UBR3: variants seen among roughly 807,000 people sequenced by gnomAD.
UBR3 encodes the protein ubiquitin protein ligase E3 component n-recognin 3.
UBR3 carries 85 observed loss-of-function variants against 243.2 expected under a neutral mutation model. The observed-to-expected ratio is 0.35, with a 90% confidence interval of 0.29 to 0.42. The LOEUF (loss-of-function observed/expected upper bound fraction) is 0.42. Among genes scored for constraint, UBR3 ranks in the 10% least tolerant of loss-of-function variants. UBR3 has a pLI of 1.00. For synonymous variants in UBR3, 748 were observed against 799.8 expected, an observed-to-expected ratio of 0.94 and a Z score of 1.09; for missense variants, 1,686 against 2,300.8, an observed-to-expected ratio of 0.73 and a Z score of 5.47.
At chr2:169,885,776 A>G (rs896594945) in intron 5 of UBR3, among the ~76,000 whole-genome samples, 13 of 152,306 alleles carry the variant, frequency 8.5e-5, no homozygotes, top group Non-Finnish European at 2.9e-5. Flanking sequence ...TTCAAGACAC[A>G]ATCCAAGTGA....
chr2:169,958,370 C>T (rs1463881884), intron 23 of UBR3, 68 bp from the exon 24 acceptor site: 2 of 1,395,406 alleles, frequency 1.4e-6, no homozygotes, highest in African/African-American at 1.4e-5. Flanking sequence ...ACATTATATA[C>T]TCCTGAAATA....
At chr2:169,843,885 C>T (rs186194096) in intron 1 of UBR3, among the ~76,000 whole-genome samples, 20 of 151,738 alleles carry the variant, frequency 1.3e-4, no homozygotes, top group African/African-American at 4.8e-4. Flanking sequence ...TTTTAAATAT[C>T]TTGATAGAGT....
chr2:170,003,831 G>A (rs569913480), intron 27 of UBR3, among the ~76,000 whole-genome samples: 3 of 152,230 alleles, frequency 2.0e-5, no homozygotes, highest in Admixed American at 6.5e-5. Context: ...TAGCAGAGAC[G>A]GGGTTTCACC....
chr2:169,858,634 C>G lies in UBR3; in HGVS notation c.546-13602C>G, dbSNP rs181709379. ...TTTATTTTTGAGACAGAGTCTCTCT[C>G]TCTTACCCAGGCTGGAATGCAATGG... On this transcript the variant is annotated intron_variant, in intron 1 of 38. Coordinates refer to ENST00000272793, the MANE Select transcript of UBR3 (RefSeq NM_172070.4). Among the ~76,000 whole-genome samples the G allele has an allele frequency of 2.0e-4, 30 of 152,202 alleles. No individual in the cohort carries two copies. The East Asian group carries it at 4.8e-3, about 24-fold the overall frequency.
Position 169,932,797 on chromosome 2 carries a change from C to A in UBR3, c.2567-115C>A, listed in dbSNP as rs2086186101. 6 of 859,796 alleles carry A rather than the reference C, an allele frequency of 7.0e-6. No homozygotes were observed. The Admixed American group carries it at 1.3e-4, about 18-fold the overall frequency. 53.3% of individuals were successfully genotyped at this position (859,796 alleles called of 1,614,324 possible). A position where few individuals can be genotyped will look rare whatever the true frequency, so the allele number is the denominator to read the frequency against. On this transcript the variant is annotated intron_variant, in intron 18 of 38. Transcript: ENST00000272793. ...AGCTTCTTAAGGCAAATACTATAAT[C>A]AGATTAAATTGTTCTGTGTTTTAAA...
intron 24 of UBR3, among the ~76,000 whole-genome samples, chr2:169,973,254 G>T (rs372875382): frequency 0.091 from 12,068 of 132,212 alleles, 757 homozygotes; most frequent in Admixed American, 0.15. Context: ...CACTGCTCAA[G>T]GAAATAAAAG....
At chr2:169,852,932 T>C (rs73024449) in intron 1 of UBR3, among the ~76,000 whole-genome samples, 2 of 146,398 alleles carry the variant, frequency 1.4e-5, no homozygotes, top group South Asian at 4.3e-4. Flanking sequence ...TATGGATATA[T>C]AAATTTATGT....
chr2:169,939,336 G>T (rs2086478629), intron 19 of UBR3, among the ~76,000 whole-genome samples: 1 of 150,062 alleles, frequency 6.7e-6, no homozygotes, highest in Non-Finnish European at 1.5e-5. Context: ...TCTGCTCACT[G>T]CAAGCTCCAT....
chr2:169,926,686 T>C lies in UBR3; in HGVS notation c.2152-6T>C. ...GAGAAATAAAGCATTTTGTTTTCTT[T>C]TAAAGGTTTGTGCTTCTAGACTTGA... On this transcript the variant is annotated splice_polypyrimidine_tract_variant and splice_region_variant and intron_variant, in intron 14 of 38. Coordinates refer to ENST00000272793, the MANE Select transcript of UBR3 (RefSeq NM_172070.4). 1.3e-6 allele frequency: 2 copies of C among 1,542,754 alleles called. No individual in the cohort carries two copies.
chr2:170,065,433 C>T (rs550408942), intron 35 of UBR3, among the ~76,000 whole-genome samples: 2 of 152,020 alleles, frequency 1.3e-5, no homozygotes, highest in African/African-American at 4.8e-5. Flanking sequence ...ATTACAGGTG[C>T]GCACCACCGC....
At chr2:169,952,747 G>T (rs1184006090) in intron 23 of UBR3, among the ~76,000 whole-genome samples, 1 of 151,748 alleles carries the variant, frequency 6.6e-6, no homozygotes, top group Admixed American at 6.6e-5. Context: ...AAAGCTTATG[G>T]TAGATTAAGA....
At chr2:169,881,919 A>ATATGTG (rs1559053702) in intron 5 of UBR3, among the ~76,000 whole-genome samples, 2 of 93,244 alleles carry the variant, frequency 2.1e-5, no homozygotes, top group African/African-American at 6.4e-5. Flanking sequence ...ATGTATATGT[A>ATATGTG]TACATGTATA....
intron 20 of UBR3, among the ~76,000 whole-genome samples, chr2:169,944,750 A>T (rs1013052357): frequency 3.3e-5 from 5 of 152,124 alleles, no homozygotes; most frequent in African/African-American, 1.2e-4. Context: ...ACTCAATTAA[A>T]GCTGTAATCC....
intron 32 of UBR3, among the ~76,000 whole-genome samples, chr2:170,049,110 C>T (rs1455557430): frequency 6.6e-6 from 1 of 152,160 alleles, no homozygotes; most frequent in Admixed American, 6.5e-5. Flanking sequence ...GAATCCACTG[C>T]ACATATTTTT....
intron 19 of UBR3, among the ~76,000 whole-genome samples, chr2:169,938,992 T>A (rs998810657): frequency 6.6e-6 from 1 of 152,180 alleles, no homozygotes. Flanking sequence ...GTTTTAGGCT[T>A]GCTTAGGTTA....
chr2:169,877,380 A>G, intron 3 of UBR3, 114 bp from the exon 4 acceptor site: 1 of 922,528 alleles, frequency 1.1e-6, no homozygotes, highest in Non-Finnish European at 1.6e-6. Flanking sequence ...TATTCATTCT[A>G]GGGCTCCCAC....
At chr2:169,891,015 A>G (rs2105324582) in intron 5 of UBR3, 150 bp from the exon 6 acceptor site, 1 of 434,948 alleles carries the variant, frequency 2.3e-6, no homozygotes, top group African/African-American at 2.0e-5. Flanking sequence ...AATTAACACT[A>G]AAATATATAT....
At chr2:169,836,766 A>G (rs1283021412) in intron 1 of UBR3, among the ~76,000 whole-genome samples, 1 of 151,896 alleles carries the variant, frequency 6.6e-6, no homozygotes, top group Non-Finnish European at 1.5e-5. Flanking sequence ...ATCTTTTCAT[A>G]TGTTTTGGGG....
At chr2:169,942,415 G>C in intron 19 of UBR3, 78 bp from the exon 20 acceptor site, 1 of 1,354,486 alleles carries the variant, frequency 7.4e-7, no homozygotes, top group Non-Finnish European at 9.8e-7. Flanking sequence ...GACAGAAATT[G>C]GTGTCTATAA....
Sources: gnomAD v4.1 joint callset for allele counts (sites outside exome capture counted in the v4.1 genomes callset) on GRCh38, gnomAD v4.1.1 for gene constraint, MANE v1.5 for transcripts, NCBI Gene and HGNC (gene_info 2026-07-23, HGNC 2026-07-21) for gene names.